Variants in KIRREL3 observed in about 807,000 individuals in gnomAD.
KIRREL3 encodes kin of IRRE-like protein 3.
In KIRREL3, 36 loss-of-function variants were observed where a neutral mutation model predicts 89.7. The ratio of observed to expected loss-of-function variants is 0.40; its 90% confidence interval spans 0.31 to 0.53. The LOEUF (loss-of-function observed/expected upper bound fraction) is 0.53. KIRREL3 is among the 20% of genes least tolerant of loss of function. The pLI is 0.49. For missense variants in KIRREL3, 864 were observed against 1,056.6 expected (o/e 0.82, Z 2.53); for synonymous variants, 445 against 441.4 (o/e 1.01, Z -0.10).
chr11:126,885,766 T>C (rs1483546856), intron 1 of KIRREL3, among the ~76,000 whole-genome samples: 1 of 152,234 alleles, frequency 6.6e-6, no homozygotes, highest in Non-Finnish European at 1.5e-5. Flanking sequence ...TTAGGTTGTA[T>C]GCCTCAGGCA....
intron 1 of KIRREL3, among the ~76,000 whole-genome samples, chr11:126,922,918 G>A (rs1353325961): frequency 2.0e-5 from 3 of 152,194 alleles, no homozygotes; most frequent in African/African-American, 4.8e-5. Context: ...TCTTGCCGAG[G>A]TTGCGAAGGG....
rs571936070 is a variant in KIRREL3 at position 126,629,420 on chromosome 11, C to A, written c.56-66508G>T. ...GGGGGCCAGCTGGGAGACTTCTGGG[C>A]CAAAGGGGTGTTTTATGGGGCCTCT... is the stretch of plus-strand genomic sequence containing the variant. On this transcript the variant is annotated intron_variant, in intron 1 of 16. Coordinates refer to ENST00000525144, the MANE Select transcript of KIRREL3 (RefSeq NM_032531.4). 9.9e-5 allele frequency among the ~76,000 whole-genome samples: 15 copies of A among 152,246 alleles called. No individual in the cohort carries two copies. The East Asian group carries it at 2.7e-3, about 28-fold the overall frequency.
chr11:126,610,217 A>G lies in KIRREL3; in HGVS notation c.56-47305T>C, dbSNP rs1943069989. Among the ~76,000 whole-genome samples the G allele has an allele frequency of 6.6e-6, 1 of 151,884 alleles. No homozygotes were observed. Among genetic ancestry groups the G allele is most frequent in the Admixed American group, 6.6e-5 (1 of 15,244 alleles). Reference sequence around the variant, plus strand: ...GCGATTCTCCTGCCTCAGCCTGCCGAGTGGCTGGGATTACAGGCATGCACC... The same window carrying G: ...GCGATTCTCCTGCCTCAGCCTGCCGGGTGGCTGGGATTACAGGCATGCACC... On this transcript the variant is annotated intron_variant, in intron 1 of 16. Transcript: ENST00000525144. This position sits in a 1 kb window ranked among gnomAD's most constrained non-coding sequence, Gnocchi z 4.6.
At chr11:126,678,791 C>T (rs534495088) in intron 1 of KIRREL3, among the ~76,000 whole-genome samples, 28 of 152,194 alleles carry the variant, frequency 1.8e-4, no homozygotes, top group African/African-American at 6.0e-4. Flanking sequence ...AGTGGTGAAG[C>T]CTGCACAGAG....
At chr11:126,737,371 G>C (rs535220546) in intron 1 of KIRREL3, among the ~76,000 whole-genome samples, 75 of 152,218 alleles carry the variant, frequency 4.9e-4, no homozygotes, top group African/African-American at 1.6e-3. Context: ...GGGAGAGGGC[G>C]GAGGAGGGAG....
chr11:126,728,408 C>T (rs1415168035), intron 1 of KIRREL3, among the ~76,000 whole-genome samples: 2 of 152,154 alleles, frequency 1.3e-5, no homozygotes, highest in African/African-American at 2.4e-5. Context: ...CGTGTTAAAG[C>T]ATGTTGACCA....
At chr11:126,781,577 C>A (rs751402543) in intron 1 of KIRREL3, among the ~76,000 whole-genome samples, 1 of 152,126 alleles carries the variant, frequency 6.6e-6, no homozygotes, top group African/African-American at 2.4e-5. Flanking sequence ...TTTAAGGTTC[C>A]TCCTCACACT....
intron 4 of KIRREL3, among the ~76,000 whole-genome samples, chr11:126,517,128 G>C (rs1565516464): frequency 8.5e-6 from 1 of 117,498 alleles, no homozygotes; most frequent in South Asian, 3.0e-4. Context: ...TTGAGAGAGA[G>C]AGAGAGAAAG....
In KIRREL3 at chr11:126,676,960, A is replaced by C. The variant is rs957843632; in HGVS notation, c.56-114048T>G. Among the ~76,000 whole-genome samples the C allele has an allele frequency of 1.3e-5, 2 of 151,690 alleles. No homozygotes were observed. The highest frequency in any genetic ancestry group is 2.9e-5 in the Non-Finnish European group (2 of 67,914). ...CCACCACACCACGCTAATTTTTAAA[A>C]AATTTTTTGTAGAGACAGGGTCTTG... On this transcript the variant is annotated intron_variant, in intron 1 of 16. Transcript: ENST00000525144. The surrounding 1 kb of genome is among the most constrained non-coding windows in gnomAD (Gnocchi z 4.5).
Position 126,870,498 on chromosome 11 carries a change from G to A in KIRREL3, c.55+129957C>T, listed in dbSNP as rs1310134515. 1.3e-5 allele frequency among the ~76,000 whole-genome samples: 2 copies of A among 152,200 alleles called. No individual in the cohort carries two copies. The highest frequency in any genetic ancestry group is 4.8e-5 in the African/African-American group (2 of 41,446). On this transcript the variant is annotated intron_variant, in intron 1 of 16. Coordinates refer to ENST00000525144, the MANE Select transcript of KIRREL3 (RefSeq NM_032531.4). This position sits in a 1 kb window ranked among gnomAD's most constrained non-coding sequence, Gnocchi z 4.4. Reference sequence around the variant, plus strand: ...AGAGACCGAAGTCTCCTGAAAGGCAGGTCCTTGCAAGAGGTAAAAGGCTCA... The same window carrying A: ...AGAGACCGAAGTCTCCTGAAAGGCAAGTCCTTGCAAGAGGTAAAAGGCTCA...
chr11:126,864,050 C>A (rs909804989), intron 1 of KIRREL3, among the ~76,000 whole-genome samples: 1 of 152,244 alleles, frequency 6.6e-6, no homozygotes, highest in South Asian at 2.1e-4. Flanking sequence ...TCCTCCCCAA[C>A]CGGGCATCCT....
At chr11:126,506,798 T>C (rs1328398644) in intron 4 of KIRREL3, among the ~76,000 whole-genome samples, 1 of 150,426 alleles carries the variant, frequency 6.6e-6, no homozygotes, top group East Asian at 1.9e-4. Flanking sequence ...TTGTTTTTGG[T>C]ATTTTTAGTA....
intron 1 of KIRREL3, among the ~76,000 whole-genome samples, chr11:126,665,683 T>C (rs1006957058): frequency 6.6e-6 from 1 of 152,174 alleles, no homozygotes; most frequent in Admixed American, 6.5e-5. Flanking sequence ...ACCTCCAGAA[T>C]GGTGAGAAAT....
intron 11 of KIRREL3, among the ~76,000 whole-genome samples, chr11:126,438,484 T>C (rs1429213746): frequency 1.3e-5 from 2 of 152,210 alleles, no homozygotes; most frequent in Admixed American, 6.5e-5. Flanking sequence ...CCCTGGCCTC[T>C]ACACACCCGG....
chr11:127,000,865 C>G, upstream of KIRREL3: 1 of 413,620 alleles, frequency 2.4e-6, no homozygotes, highest in Non-Finnish European at 4.2e-6. The surrounding 1 kb of genome is among the most constrained non-coding windows in gnomAD (Gnocchi z 7.1). Flanking sequence ...ACTCCTTTCA[C>G]TGAAGCTGAG....
chr11:126,701,833 G>A (rs901064664), intron 1 of KIRREL3, among the ~76,000 whole-genome samples: 2 of 152,162 alleles, frequency 1.3e-5, no homozygotes, highest in Non-Finnish European at 2.9e-5. Flanking sequence ...CATCTGTAAA[G>A]TGGGAAGACA....
chr11:126,834,032 G>A lies in KIRREL3; in HGVS notation c.55+166423C>T, dbSNP rs142177768. 8.5e-3 allele frequency among the ~76,000 whole-genome samples: 1,287 copies of A among 152,282 alleles called. 6 individuals carry two copies. The highest frequency in any genetic ancestry group is 0.048 in the Middle Eastern group (14 of 294). Reference sequence around the variant, plus strand: ...TTGACCCAAATGTACCAGTGCTTGGGAGAAAGTTTGTCTTCTATTCATTTA... The same window carrying A: ...TTGACCCAAATGTACCAGTGCTTGGAAGAAAGTTTGTCTTCTATTCATTTA... On this transcript the variant is annotated intron_variant, in intron 1 of 16. Transcript: ENST00000525144.
chr11:126,621,235 G>C (rs1943562440), intron 1 of KIRREL3, among the ~76,000 whole-genome samples: 2 of 152,206 alleles, frequency 1.3e-5, no homozygotes, highest in African/African-American at 4.8e-5. Flanking sequence ...AGTGGGGGAT[G>C]GGGAGAACCC....
Position 126,463,255 on chromosome 11 carries a change from G to T in KIRREL3, c.644C>A (p.Ser215Tyr), listed in dbSNP as rs1956608249. 4.3e-6 allele frequency: 7 copies of T among 1,613,970 alleles called. No individual in the cohort carries two copies. The highest frequency in any genetic ancestry group is 5.9e-6 in the Non-Finnish European group (7 of 1,179,854). Residue 215 changes from serine to tyrosine, a missense_variant, in exon 6 of 17, where the codon TCC (serine) becomes TAC (tyrosine). Coordinates refer to ENST00000525144, the MANE Select transcript of KIRREL3 (RefSeq NM_032531.4). The surrounding 1 kb of genome is among the most constrained non-coding windows in gnomAD (Gnocchi z 5.9). ...RESIVSTLFI[S>Y]PGDVENGQSI... The stretch of plus-strand genomic sequence containing the variant: ...CTGGCCATTCTCCACGTCACCAGGG[G>T]AGATGAAGAGGGTGCTGACGATGCT...
Sources: allele counts gnomAD v4.1 joint callset (sites outside exome capture counted in the v4.1 genomes callset), GRCh38; gene constraint gnomAD v4.1.1; non-coding constraint Gnocchi (gnomAD v3.1); transcripts MANE v1.5; gene names NCBI Gene and HGNC (gene_info 2026-07-23, HGNC 2026-07-21).